FAM107B: variants seen among roughly 807,000 people sequenced by gnomAD.
FAM107B encodes the protein protein FAM107B.
A neutral mutation model predicts 31.5 loss-of-function variants in FAM107B; 21 were observed. The observed-to-expected ratio is 0.67, with a 90% confidence interval of 0.47 to 0.96. FAM107B has a LOEUF of 0.96. FAM107B is among the 40% of genes least tolerant of loss of function. The probability of loss-of-function intolerance (pLI) is 0.00; values close to 1 mark genes in which losing one functional copy is unlikely to be tolerated. For synonymous variants in FAM107B, 157 were observed against 141.5 expected (o/e 1.11, Z -0.78); for missense variants, 452 against 377.1 (o/e 1.20, Z -1.64).
chr10:14,677,043 A>C (rs1380144357), intron 1 of FAM107B, among the ~76,000 whole-genome samples: 1 of 152,126 alleles, frequency 6.6e-6, no homozygotes, highest in East Asian at 1.9e-4. Flanking sequence ...AGCCTTCATC[A>C]AGACTTTATT....
intron 1 of FAM107B, among the ~76,000 whole-genome samples, chr10:14,686,532 A>G (rs1854992817): frequency 6.6e-6 from 1 of 152,188 alleles, no homozygotes; most frequent in African/African-American, 2.4e-5. Flanking sequence ...AGCAGAAGTC[A>G]CGGCCCTAGG....
intron 2 of FAM107B, among the ~76,000 whole-genome samples, chr10:14,645,062 T>C (rs912215854): frequency 6.6e-6 from 1 of 152,208 alleles, no homozygotes; most frequent in African/African-American, 2.4e-5. Flanking sequence ...TAATCAGCCA[T>C]TATCTTTCTT....
chr10:14,765,091 G>A (rs1833135882), intron 1 of FAM107B, among the ~76,000 whole-genome samples: 1 of 152,124 alleles, frequency 6.6e-6, no homozygotes, highest in Admixed American at 6.5e-5. Flanking sequence ...GATATGGGTC[G>A]ACCTCTTCCC....
At chr10:14,628,039 G>A (rs570164736) in intron 2 of FAM107B, among the ~76,000 whole-genome samples, 18 of 151,538 alleles carry the variant, frequency 1.2e-4, no homozygotes, top group African/African-American at 3.4e-4. Flanking sequence ...CAGTCTATTC[G>A]TGAGAATAGT....
intron 2 of FAM107B, among the ~76,000 whole-genome samples, chr10:14,628,310 G>T (rs931616017): frequency 1.3e-5 from 2 of 151,640 alleles, no homozygotes; most frequent in African/African-American, 4.8e-5. Context: ...GCAGAGATGG[G>T]GTTTCACCAT....
chr10:14,640,306 C>T (rs1853597527), intron 2 of FAM107B, among the ~76,000 whole-genome samples: 1 of 152,162 alleles, frequency 6.6e-6, no homozygotes, highest in Non-Finnish European at 1.5e-5. Flanking sequence ...TGCTCTGCTG[C>T]CTCTCAGTGA....
intron 2 of FAM107B, among the ~76,000 whole-genome samples, chr10:14,654,676 T>A (rs1391592114): frequency 6.6e-6 from 1 of 152,238 alleles, no homozygotes; most frequent in East Asian, 1.9e-4. Flanking sequence ...AAATAAATGA[T>A]TTTATGATTT....
chr10:14,728,107 T>C (rs1856078153), intron 1 of FAM107B, among the ~76,000 whole-genome samples: 1 of 152,194 alleles, frequency 6.6e-6, no homozygotes, highest in African/African-American at 2.4e-5. Flanking sequence ...AAATGAAATG[T>C]CCACCCAACA....
At position 14,762,754 on chromosome 10, in the gene FAM107B, T is replaced by TCACACA. The variant is rs35574582; in HGVS notation, c.411+11493_411+11498dup. ...CTGGGAGACAGAGTGAAACTCTGTC[T>TCACACA]CACACACACACACACACACACACAC... On this transcript the variant is annotated intron_variant, in intron 1 of 4. Coordinates refer to ENST00000181796, the MANE Select transcript of FAM107B (RefSeq NM_031453.4). Among the ~76,000 whole-genome samples the TCACACA allele has an allele frequency of 2.5e-3, 292 of 116,200 alleles. 2 individuals are homozygous for TCACACA. Among genetic ancestry groups the TCACACA allele is most frequent in the African/African-American group, 4.7e-3 (126 of 26,972 alleles). 76.2% of individuals were successfully genotyped at this position (116,200 alleles called of 152,430 possible). A position where few individuals can be genotyped will look rare whatever the true frequency, so the allele number is the denominator to read the frequency against.
chr10:14,751,676 A>G (rs1417973867), intron 1 of FAM107B, among the ~76,000 whole-genome samples: 1 of 151,972 alleles, frequency 6.6e-6, no homozygotes, highest in African/African-American at 2.4e-5. Context: ...CCTCCTTATA[A>G]GGAAATTATT....
intron 1 of FAM107B, among the ~76,000 whole-genome samples, chr10:14,689,671 G>C (rs1439698497): frequency 6.6e-6 from 1 of 152,072 alleles, no homozygotes; most frequent in Non-Finnish European, 1.5e-5. Context: ...GTTTAAAAAA[G>C]ATACCTTGGC....
intron 2 of FAM107B, among the ~76,000 whole-genome samples, chr10:14,568,827 G>C (rs77700788): frequency 2.6e-5 from 4 of 151,602 alleles, no homozygotes; most frequent in African/African-American, 9.7e-5. Flanking sequence ...GGGAGGCAAA[G>C]AGCAGTCCCA....
In FAM107B at chr10:14,596,047, C is replaced by T. The variant is rs184571917; in HGVS notation, c.470-65532G>A. ...GTGGCCTGCCAGACCTCCTTGGACC[C>T]CACTGCACAGCTCTCTTCCTGCCCT... On this transcript the variant is annotated intron_variant, in intron 2 of 4. Transcript: ENST00000181796. Among the ~76,000 whole-genome samples, 562 of 152,342 alleles carry T rather than the reference C, an allele frequency of 3.7e-3. 2 individuals are homozygous for T. Among genetic ancestry groups the T allele is most frequent in the South Asian group, 0.011 (52 of 4,830 alleles).
At chr10:14,757,350 C>A (rs1176389066) in intron 1 of FAM107B, among the ~76,000 whole-genome samples, 1 of 151,366 alleles carries the variant, frequency 6.6e-6, no homozygotes, top group Non-Finnish European at 1.5e-5. Flanking sequence ...AGTGTCCAAT[C>A]CTGCCTGAGT....
chr10:14,770,201 G>A (rs185839727), intron 1 of FAM107B, among the ~76,000 whole-genome samples: 269 of 152,268 alleles, frequency 1.8e-3, no homozygotes, highest in African/African-American at 6.0e-3. Context: ...TCCTCACATG[G>A]AGGAAGAGCA....
intron 1 of FAM107B, among the ~76,000 whole-genome samples, chr10:14,745,089 G>T (rs1016112607): frequency 2.0e-5 from 3 of 152,092 alleles, no homozygotes; most frequent in African/African-American, 4.8e-5. Context: ...CAGTTCATTC[G>T]CATAGAGGTG....
At chr10:14,667,499 T>G in intron 2 of FAM107B, 135 bp downstream of exon 2, 3 of 835,822 alleles carry the variant, frequency 3.6e-6, no homozygotes, top group Non-Finnish European at 5.6e-6. Flanking sequence ...ATATCACACG[T>G]GACATTTCTA....
intron 2 of FAM107B, among the ~76,000 whole-genome samples, chr10:14,627,688 G>T (rs1184416018): frequency 6.6e-5 from 10 of 152,120 alleles, no homozygotes; most frequent in African/African-American, 1.9e-4. Flanking sequence ...CAGGTAGATC[G>T]CTTGAGCCCA....
At chr10:14,595,187 A>T (rs1269972119) in intron 2 of FAM107B, among the ~76,000 whole-genome samples, 1 of 152,174 alleles carries the variant, frequency 6.6e-6, no homozygotes, top group Non-Finnish European at 1.5e-5. Context: ...AAATTACACA[A>T]CTGTGTACAT....
Sources: gnomAD v4.1 joint callset for allele counts (sites outside exome capture counted in the v4.1 genomes callset) on GRCh38, gnomAD v4.1.1 for gene constraint, MANE v1.5 for transcripts, NCBI Gene and HGNC (gene_info 2026-07-23, HGNC 2026-07-21) for gene names.